SGPP1: variants seen among roughly 807,000 people sequenced by gnomAD.
The protein encoded by SGPP1 is hSPP1.
A neutral mutation model predicts 33.0 loss-of-function variants in SGPP1; 21 were observed. The observed-to-expected ratio is 0.64, with a 90% CI of 0.45 to 0.92. SGPP1 has a LOEUF of 0.92. Ranked by LOEUF, SGPP1 falls within the 40% of genes least tolerant of loss-of-function variation. The probability of loss-of-function intolerance (pLI) is 0.00; values close to 1 mark genes in which losing one functional copy is unlikely to be tolerated. For synonymous variants in SGPP1, 239 were observed against 241.2 expected (o/e 0.99, Z 0.08); for missense variants, 543 against 589.4 (o/e 0.92, Z 0.81).
intron 1 of SGPP1, among the ~76,000 whole-genome samples, chr14:63,711,354 T>C (rs73265739): frequency 0.028 from 4,307 of 152,192 alleles, 233 homozygotes; most frequent in African/African-American, 0.098. Flanking sequence ...GGTGGGAAAA[T>C]TCTTTACATA....
At chr14:63,688,685 C>A (rs1241721768) in intron 2 of SGPP1, among the ~76,000 whole-genome samples, 1 of 151,372 alleles carries the variant, frequency 6.6e-6, no homozygotes, top group South Asian at 2.1e-4. Flanking sequence ...TTCATGGATA[C>A]TAGAGGTCTT....
At chr14:63,689,908 T>C (rs1293817591) in intron 2 of SGPP1, among the ~76,000 whole-genome samples, 1 of 152,232 alleles carries the variant, frequency 6.6e-6, no homozygotes, top group Non-Finnish European at 1.5e-5. Flanking sequence ...TCATTCATTA[T>C]ATTATATGTA....
rs1338579921 is a variant in SGPP1 at position 63,727,645 on chromosome 14, G to A, written c.300C>T (p.Ala100=). 1.5e-6 allele frequency: 2 copies of A among 1,368,270 alleles called. No individual in the cohort carries two copies. Among genetic ancestry groups the A allele is most frequent in the African/African-American group, 1.5e-5 (1 of 65,788 alleles). The allele number at this position is 1,368,270 out of a possible 1,614,324, so 84.8% of individuals were successfully genotyped here. ...RNGLAAELGP[A]SPRRAGALRR... ...GCAGAGCGCCCGCGCGCCGCGGCGA[G>A]GCCGGGCCCAGCTCGGCCGCCAGCC... is the stretch of plus-strand genomic sequence containing the variant. Residue 100 remains alanine (A), a synonymous_variant, in exon 1 of 3, where the codon GCC becomes GCT. Transcript: ENST00000247225.
chr14:63,694,836 C>A (rs1885156472), intron 2 of SGPP1, among the ~76,000 whole-genome samples: 1 of 151,688 alleles, frequency 6.6e-6, no homozygotes, highest in South Asian at 2.1e-4. Context: ...ACTCTTATAC[C>A]CCAAAATTTG....
Position 63,693,150 on chromosome 14 carries a change from C to T in SGPP1, c.774+5419G>A, listed in dbSNP as rs149792263. ...GTTTTGCCATGTTGCCCAGGTTGAT[C>T]CAGATATCCTGGGCTCAAGTGATCC... On this transcript the variant is annotated intron_variant, in intron 2 of 2. Transcript: ENST00000247225. Among the ~76,000 whole-genome samples, 9 of 152,288 alleles carry T rather than the reference C, an allele frequency of 5.9e-5. 1 individual carries two copies. The highest frequency in any genetic ancestry group is 2.2e-4 in the African/African-American group (9 of 41,546).
Position 63,721,446 on chromosome 14 carries a change from GA to G in SGPP1, c.684+5814del, listed in dbSNP as rs879423776. Reference sequence around the variant, plus strand: ...TGACAAGAACAAGACTTCGTATCCAGAAAAAAAAAAAAGGAATTAGTAATAA... The same window carrying G: ...TGACAAGAACAAGACTTCGTATCCAGAAAAAAAAAAAGGAATTAGTAATAA... On this transcript the variant is annotated intron_variant, in intron 1 of 2. Transcript: ENST00000247225. Among the ~76,000 whole-genome samples, 185 of 134,748 alleles carry G rather than the reference GA, an allele frequency of 1.4e-3. 2 individuals carry two copies. Among genetic ancestry groups the G allele is most frequent in the East Asian group, 0.013 (60 of 4,754 alleles). 88.4% of individuals were successfully genotyped at this position (134,748 alleles called of 152,430 possible). A position where few individuals can be genotyped will look rare whatever the true frequency, so the allele number is the denominator to read the frequency against.
intron 1 of SGPP1, among the ~76,000 whole-genome samples, chr14:63,719,316 A>T (rs564794132): frequency 3.1e-4 from 47 of 150,542 alleles, no homozygotes; most frequent in African/African-American, 3.7e-4. Context: ...CATAAAAATT[A>T]TTTTTTTTTA....
chr14:63,698,872 C>A (rs1885243028), intron 1 of SGPP1, among the ~76,000 whole-genome samples: 1 of 152,180 alleles, frequency 6.6e-6, no homozygotes, highest in Non-Finnish European at 1.5e-5. Flanking sequence ...AATGAAATCT[C>A]ATGTGTCTAA....
At chr14:63,725,565 C>T (rs967574110) in intron 1 of SGPP1, among the ~76,000 whole-genome samples, 41 of 152,194 alleles carry the variant, frequency 2.7e-4, no homozygotes, top group African/African-American at 8.9e-4. Context: ...TTCTATGATA[C>T]GCAAATTTCT....
chr14:63,701,109 T>C (rs1482947496), intron 1 of SGPP1, among the ~76,000 whole-genome samples: 1 of 152,006 alleles, frequency 6.6e-6, no homozygotes, highest in East Asian at 1.9e-4. Context: ...GCCTCCAGAG[T>C]AGCTGGGACT....
At position 63,715,170 on chromosome 14, in the gene SGPP1, C is replaced by T. The variant is rs371595457; in HGVS notation, c.684+12091G>A. On this transcript the variant is annotated intron_variant, in intron 1 of 2. Transcript: ENST00000247225. ...TTGGGATTACAGGCGCCTGCCACCA[C>T]GCCCAGCTAATTGTTTGTATTTTTA... Among the ~76,000 whole-genome samples, 494 of 151,930 alleles carry T rather than the reference C, an allele frequency of 3.3e-3. 1 individual carries two copies. Among genetic ancestry groups the T allele is most frequent in the African/African-American group, 0.011 (473 of 41,414 alleles).
intron 2 of SGPP1, among the ~76,000 whole-genome samples, chr14:63,695,783 T>C (rs1180866092): frequency 3.9e-5 from 6 of 152,068 alleles, no homozygotes; most frequent in Admixed American, 3.3e-4. Context: ...TTATAGTACA[T>C]GTTTGTAGTC....
chr14:63,706,673 T>C (rs1013268345), intron 1 of SGPP1, among the ~76,000 whole-genome samples: 1 of 152,184 alleles, frequency 6.6e-6, no homozygotes, highest in South Asian at 2.1e-4. Flanking sequence ...ATAGTATCAT[T>C]CAGTTCCTGG....
rs139614441 is a variant in SGPP1 at position 63,686,583 on chromosome 14, T to A, written c.848A>T (p.Asn283Ile). 5.1e-5 allele frequency: 82 copies of A among 1,613,904 alleles called. No individual in the cohort carries two copies. Among genetic ancestry groups the A allele is most frequent in the Non-Finnish European group, 6.9e-5 (81 of 1,179,840 alleles). Reference sequence around the variant, plus strand: ...AGCATATTTGTGAGTTTGGTTGAAGTTGTCAATCAGGTCCACAAATGGATA... The same window carrying A: ...AGCATATTTGTGAGTTTGGTTGAAGATGTCAATCAGGTCCACAAATGGATA... ...VFYPFVDLID[N>I]FNQTHKYAPF... is the part of the protein sequence containing the mutation. The change falls in exon 3 of 3, where the codon AAC becomes ATC. Residue 283 changes from asparagine to isoleucine, a missense_variant. Transcript: ENST00000247225.
chr14:63,709,738 T>C (rs1441653158), intron 1 of SGPP1, among the ~76,000 whole-genome samples: 1 of 152,150 alleles, frequency 6.6e-6, no homozygotes, highest in Non-Finnish European at 1.5e-5. Flanking sequence ...AATGTAAAAA[T>C]GTACCAAACC....
intron 1 of SGPP1, among the ~76,000 whole-genome samples, chr14:63,712,174 T>C (rs1367878223): frequency 6.6e-6 from 1 of 151,576 alleles, no homozygotes; most frequent in Non-Finnish European, 1.5e-5. Context: ...AAATAAAAAA[T>C]TAACATTAGC....
intron 1 of SGPP1, 65 bp from the exon 2 acceptor site, chr14:63,698,723 A>C: frequency 1.1e-6 from 1 of 898,754 alleles, no homozygotes. Flanking sequence ...AACAAATAAA[A>C]GACAAATCAA....
Position 63,686,224 on chromosome 14 carries a change from G to C in SGPP1, c.1207C>G (p.Arg403Gly). 2 of 1,614,100 alleles carry C rather than the reference G, an allele frequency of 1.2e-6. No homozygotes were observed. Among genetic ancestry groups the C allele is most frequent in the Non-Finnish European group, 1.7e-6 (2 of 1,180,006 alleles). The part of the protein sequence containing the change: ...KIFNIPCDDI[R>G]KARQHMEVEL... ...ACTTCCATGTGCTGTCTTGCTTTTC[G>C]AATATCATCACACGGTATATTGAAG... The change falls in exon 3 of 3, where the codon CGA becomes GGA. Residue 403 changes from arginine to glycine, a missense_variant. Arg to Gly is a moderately radical substitution (Grantham distance 125, BLOSUM62 -2). Coordinates refer to ENST00000247225, the MANE Select transcript of SGPP1 (RefSeq NM_030791.4).
chr14:63,703,312 T>C (rs552687034), intron 1 of SGPP1, among the ~76,000 whole-genome samples: 18 of 151,974 alleles, frequency 1.2e-4, no homozygotes, highest in African/African-American at 4.1e-4. Flanking sequence ...ACTAAGGAAG[T>C]GAAAGGTTTG....
Sources: gnomAD v4.1 joint callset for allele counts (sites outside exome capture counted in the v4.1 genomes callset) on GRCh38, gnomAD v4.1.1 for gene constraint, MANE v1.5 for transcripts, NCBI Gene and HGNC (gene_info 2026-07-23, HGNC 2026-07-21) for gene names.